Variants in SMAD2 observed in about 807,000 individuals in gnomAD.
The protein encoded by SMAD2 is SMAD family member 2.
SMAD2 carries 8 observed loss-of-function variants against 64.4 expected under a neutral mutation model. That is an observed-to-expected ratio of 0.12 (90% CI 0.07 to 0.22). The LOEUF (loss-of-function observed/expected upper bound fraction) is 0.22, where lower values mean the gene tolerates loss of function less well. SMAD2 is among the 10% of genes least tolerant of loss of function. SMAD2 has a pLI of 1.00. For missense variants in SMAD2, 289 were observed against 561.2 expected (o/e 0.51, Z 4.90); for synonymous variants, 203 against 195.8 (o/e 1.04, Z -0.31).
chr18:47,893,136 T>C (rs2033280013), intron 2 of SMAD2, among the ~76,000 whole-genome samples: 1 of 152,256 alleles, frequency 6.6e-6, no homozygotes, highest in South Asian at 2.1e-4. Context: ...AAATTTTTTA[T>C]TATTTAGCTC....
At chr18:47,872,392 A>C (rs1453399641) in intron 2 of SMAD2, among the ~76,000 whole-genome samples, 1 of 152,226 alleles carries the variant, frequency 6.6e-6, no homozygotes, top group Admixed American at 6.5e-5. Context: ...AAAAGTAGAA[A>C]AAATAAGTAA....
intron 6 of SMAD2, among the ~76,000 whole-genome samples, chr18:47,861,136 A>G (rs2031151500): frequency 6.6e-6 from 1 of 152,120 alleles, no homozygotes; most frequent in African/African-American, 2.4e-5. Context: ...CGGGTGGATC[A>G]CCTGAGGTTG....
At chr18:47,880,538 G>C (rs1474054476) in intron 2 of SMAD2, among the ~76,000 whole-genome samples, 2 of 152,066 alleles carry the variant, frequency 1.3e-5, no homozygotes, top group African/African-American at 4.8e-5. Flanking sequence ...TTGAAGTCAG[G>C]GTAATTTAAG....
intron 2 of SMAD2, among the ~76,000 whole-genome samples, 185 bp downstream of exon 2, chr18:47,896,336 C>A (rs1346832450): frequency 6.6e-6 from 1 of 152,140 alleles, no homozygotes; most frequent in Non-Finnish European, 1.5e-5. Flanking sequence ...CTTGATTAAA[C>A]CTCACTATTC....
rs113134941 is a variant in SMAD2, at chr18:47,834,455, A to G, written c.*7372T>C. 2,795 of 204,976 alleles carry G rather than the reference A, an allele frequency of 0.014. 68 individuals are homozygous for G. Among genetic ancestry groups the G allele is most frequent in the African/African-American group, 0.059 (2,569 of 43,872 alleles). 12.7% of individuals were successfully genotyped at this position (204,976 alleles called of 1,614,324 possible). Reference sequence around the variant, plus strand: ...AGTCCCGCATCCAGGGAAACCCTCAATCCCAGGCACTTTAGGGCAGCTGGT... The same window carrying G: ...AGTCCCGCATCCAGGGAAACCCTCAGTCCCAGGCACTTTAGGGCAGCTGGT... On this transcript the variant is annotated 3_prime_UTR_variant, in exon 11 of 11. Coordinates refer to ENST00000262160, the MANE Select transcript of SMAD2 (RefSeq NM_005901.6).
rs1335032441 is a variant in SMAD2, at chr18:47,865,152, A to C, written c.656-19T>G. 1 of 1,427,244 alleles carries C rather than the reference A, an allele frequency of 7.0e-7. No individual in the cohort carries two copies. The highest frequency in any genetic ancestry group is 1.4e-5 in the African/African-American group (1 of 71,326). The allele number at this position is 1,427,244 out of a possible 1,614,324, so 88.4% of individuals were successfully genotyped here. Reference sequence around the variant, plus strand: ...GGCGTTTCTACAAAAGTTTAAAACAAATCAAGCACAGCTGCAACATAATCT... The same window carrying C: ...GGCGTTTCTACAAAAGTTTAAAACACATCAAGCACAGCTGCAACATAATCT... On this transcript the variant is annotated intron_variant, in intron 5 of 10. Transcript: ENST00000262160.
intron 7 of SMAD2, among the ~76,000 whole-genome samples, 154 bp downstream of exon 7, chr18:47,851,120 T>C (rs1290457383): frequency 6.6e-6 from 1 of 151,230 alleles, no homozygotes; most frequent in Non-Finnish European, 1.5e-5. Context: ...AATATTCTTT[T>C]TAAAAAGCAC....
chr18:47,841,082 GAATGGAA>G lies in SMAD2; in HGVS notation c.*738_*744del. Reference sequence around the variant, plus strand: ...GTTTTGATTATGAGGACAAAAATGGGAATGGAAAAAAGAGGCTTGGAAAGGTTTTCAG... The same window carrying G: ...GTTTTGATTATGAGGACAAAAATGGGAAAAGAGGCTTGGAAAGGTTTTCAG... On this transcript the variant is annotated 3_prime_UTR_variant, in exon 11 of 11. Coordinates refer to ENST00000262160, the MANE Select transcript of SMAD2 (RefSeq NM_005901.6). 4.3e-6 allele frequency: 1 copy of G among 230,734 alleles called. No homozygotes were observed. The highest frequency in any genetic ancestry group is 2.2e-5 in the African/African-American group (1 of 44,888). The allele number at this position is 230,734 out of a possible 1,614,324, so 14.3% of individuals were successfully genotyped here. A position where few individuals can be genotyped will look rare whatever the true frequency, so the allele number is the denominator to read the frequency against.
intron 2 of SMAD2, among the ~76,000 whole-genome samples, chr18:47,894,165 C>T (rs2033330629): frequency 6.6e-6 from 1 of 152,192 alleles, no homozygotes; most frequent in African/African-American, 2.4e-5. Flanking sequence ...TCAGGCTCTG[C>T]TCTGGATAAC....
At chr18:47,893,727 AT>A (rs2033312550) in intron 2 of SMAD2, among the ~76,000 whole-genome samples, 1 of 152,194 alleles carries the variant, frequency 6.6e-6, no homozygotes, top group Non-Finnish European at 1.5e-5. Flanking sequence ...ACCTGACACA[AT>A]TTAATTGTTC....
intron 4 of SMAD2, among the ~76,000 whole-genome samples, chr18:47,868,971 A>G (rs935761036): frequency 7.9e-5 from 12 of 152,214 alleles, no homozygotes; most frequent in Admixed American, 5.2e-4. Flanking sequence ...GTAGAAGCAC[A>G]TCAGCATAGC....
intron 2 of SMAD2, among the ~76,000 whole-genome samples, chr18:47,880,336 T>A (rs2032513485): frequency 6.6e-6 from 1 of 152,250 alleles, no homozygotes; most frequent in Non-Finnish European, 1.5e-5. Context: ...GGTGGAGTCA[T>A]GTTCATTCTT....
chr18:47,877,842 G>T (rs2032356540), intron 2 of SMAD2, among the ~76,000 whole-genome samples: 1 of 151,962 alleles, frequency 6.6e-6, no homozygotes, highest in Non-Finnish European at 1.5e-5. Context: ...AAATATAAAA[G>T]AAATATATTA....
At chr18:47,906,846 G>A (rs951809657) in intron 1 of SMAD2, among the ~76,000 whole-genome samples, 1 of 151,710 alleles carries the variant, frequency 6.6e-6, no homozygotes, top group Non-Finnish European at 1.5e-5. Flanking sequence ...TCGTCACACT[G>A]CCTTCTCTTC....
intron 1 of SMAD2, among the ~76,000 whole-genome samples, chr18:47,899,323 A>T (rs2033581629): frequency 6.6e-6 from 1 of 152,166 alleles, no homozygotes; most frequent in Non-Finnish European, 1.5e-5. Flanking sequence ...GGAGCTTAGC[A>T]GAGAGATCAA....
chr18:47,885,182 C>CACACACACAT (rs2032831709), intron 2 of SMAD2, among the ~76,000 whole-genome samples: 1 of 139,988 alleles, frequency 7.1e-6, no homozygotes, highest in Non-Finnish European at 1.6e-5. Context: ...CACACACACA[C>CACACACACAT]ATATACCCTC....
At chr18:47,898,728 A>C (rs2033552153) in intron 1 of SMAD2, among the ~76,000 whole-genome samples, 1 of 152,164 alleles carries the variant, frequency 6.6e-6, no homozygotes, top group Admixed American at 6.5e-5. Context: ...TGCCATGATT[A>C]AAATACACAT....
At chr18:47,860,024 T>A (rs1787194) in intron 6 of SMAD2, among the ~76,000 whole-genome samples, 2 of 151,812 alleles carry the variant, frequency 1.3e-5, no homozygotes, top group Non-Finnish European at 2.9e-5. Context: ...GGTCCCAGCT[T>A]CTCGAGAGGC....
chr18:47,836,741 C>T lies in SMAD2; in HGVS notation c.*5086G>A, dbSNP rs191757140. The T allele has an allele frequency of 3.7e-4, 82 of 219,022 alleles. No homozygotes were observed. Among genetic ancestry groups the T allele is most frequent in the Admixed American group, 2.1e-3 (35 of 17,072 alleles). 13.6% of individuals were successfully genotyped at this position (219,022 alleles called of 1,614,324 possible). A position where few individuals can be genotyped will look rare whatever the true frequency, so the allele number is the denominator to read the frequency against. ...CTACTCAAAAAATTACATGAACACA[C>T]GAGATAAGTTCTTATCGTAAATGCT... is the stretch of plus-strand genomic sequence containing the variant. On this transcript the variant is annotated 3_prime_UTR_variant, in exon 11 of 11. Coordinates refer to ENST00000262160, the MANE Select transcript of SMAD2 (RefSeq NM_005901.6).
Sources: allele counts gnomAD v4.1 joint callset (sites outside exome capture counted in the v4.1 genomes callset), GRCh38; gene constraint gnomAD v4.1.1; transcripts MANE v1.5; gene names NCBI Gene and HGNC (gene_info 2026-07-23, HGNC 2026-07-21).